MND1: variants seen among roughly 807,000 people sequenced by gnomAD.
The protein encoded by MND1 is meiotic nuclear divisions 1.
MND1 carries 28 observed loss-of-function variants against 35.1 expected under a neutral mutation model. That is an observed-to-expected ratio of 0.80 (90% CI 0.59 to 1.09). The LOEUF (loss-of-function observed/expected upper bound fraction) is 1.09. MND1 is among the 50% of genes least tolerant of loss of function. The pLI is 0.00. For missense variants in MND1, 213 were observed against 239.6 expected, an observed-to-expected ratio of 0.89 and a Z score of 0.73; for synonymous variants, 69 against 70.5, an observed-to-expected ratio of 0.98 and a Z score of 0.11.
chr4:153,378,935 G>A (rs1350741705), intron 4 of MND1, among the ~76,000 whole-genome samples: 6 of 152,146 alleles, frequency 3.9e-5, no homozygotes, highest in Non-Finnish European at 8.8e-5. Context: ...TCTCTCCACT[G>A]ATTTAGCATA....
chr4:153,357,834 T>C (rs1324021978), intron 3 of MND1, among the ~76,000 whole-genome samples: 2 of 152,218 alleles, frequency 1.3e-5, no homozygotes, highest in Non-Finnish European at 2.9e-5. Context: ...CTCCCAGTTA[T>C]TGACAATTTT....
intron 4 of MND1, among the ~76,000 whole-genome samples, chr4:153,389,212 G>C (rs901754915): frequency 6.6e-6 from 1 of 152,126 alleles, no homozygotes; most frequent in South Asian, 2.1e-4. Flanking sequence ...GCTTTAAACT[G>C]TCTTCAGCTT....
Position 153,406,046 on chromosome 4 carries a change from C to T in MND1, c.467-2925C>T, listed in dbSNP as rs532140809. Among the ~76,000 whole-genome samples, 179 of 152,154 alleles carry T rather than the reference C, an allele frequency of 1.2e-3. 2 individuals are homozygous for T. Among genetic ancestry groups the T allele is most frequent in the Non-Finnish European group, 1.5e-3 (105 of 67,982 alleles). On this transcript the variant is annotated intron_variant, in intron 6 of 7. Transcript: ENST00000240488. ...TCTTGATCTGACCTCGTGATCTGCC[C>T]GTCTCGGCCTCCCAAAGTGCTGGGA...
intron 7 of MND1, among the ~76,000 whole-genome samples, chr4:153,413,436 T>A (rs984008433): frequency 2.6e-5 from 4 of 152,142 alleles, no homozygotes; most frequent in Non-Finnish European, 4.4e-5. Context: ...TCCCAGCATT[T>A]TGGGAGGCCG....
intron 4 of MND1, among the ~76,000 whole-genome samples, chr4:153,367,077 G>A (rs1032475358): frequency 3.3e-5 from 5 of 152,104 alleles, no homozygotes; most frequent in Admixed American, 2.6e-4. Context: ...TCAAAAGAGC[G>A]GTGGCTGGGC....
At chr4:153,351,677 G>A (rs1195971855) in intron 2 of MND1, among the ~76,000 whole-genome samples, 1 of 152,102 alleles carries the variant, frequency 6.6e-6, no homozygotes, top group Non-Finnish European at 1.5e-5. Flanking sequence ...TCAGGAATTT[G>A]GATTCTAATT....
intron 1 of MND1, 59 bp downstream of exon 1, chr4:153,344,799 C>T (rs1773030451): frequency 6.3e-7 from 1 of 1,583,548 alleles, no homozygotes; most frequent in South Asian, 1.2e-5. Flanking sequence ...GGCTTCGCCG[C>T]CCCTCGGCTG....
intron 6 of MND1, among the ~76,000 whole-genome samples, chr4:153,404,631 C>G (rs567231192): frequency 1.8e-4 from 28 of 151,876 alleles, no homozygotes; most frequent in Admixed American, 1.4e-3. Context: ...CTCACCACCA[C>G]GCCTGGCTAA....
At chr4:153,403,947 G>A (rs922196167) in intron 6 of MND1, among the ~76,000 whole-genome samples, 1 of 151,810 alleles carries the variant, frequency 6.6e-6, no homozygotes, top group African/African-American at 2.4e-5. Context: ...TGTAGAGACA[G>A]GATTTCACCA....
chr4:153,356,465 A>G (rs1427792908), intron 3 of MND1, among the ~76,000 whole-genome samples: 1 of 140,784 alleles, frequency 7.1e-6, no homozygotes, highest in African/African-American at 2.6e-5. Context: ...AGGCAGGAGA[A>G]TGGCGTGAAC....
chr4:153,389,388 T>G (rs1295859316), intron 4 of MND1, among the ~76,000 whole-genome samples: 2 of 152,208 alleles, frequency 1.3e-5, no homozygotes, highest in Non-Finnish European at 2.9e-5. Flanking sequence ...TTAGATGAAG[T>G]CTTGCTTTTT....
intron 4 of MND1, among the ~76,000 whole-genome samples, chr4:153,380,944 G>A (rs377066807): frequency 2.0e-5 from 3 of 151,662 alleles, no homozygotes; most frequent in Non-Finnish European, 1.5e-5. Flanking sequence ...CTGTTGCCCA[G>A]GCTGGAGTAC....
At chr4:153,412,236 T>G (rs1334523606) in intron 7 of MND1, among the ~76,000 whole-genome samples, 1 of 152,214 alleles carries the variant, frequency 6.6e-6, no homozygotes, top group Non-Finnish European at 1.5e-5. Flanking sequence ...TATCAATATT[T>G]GATACTTGGA....
chr4:153,379,864 A>ACC (rs1728621841), intron 4 of MND1, among the ~76,000 whole-genome samples: 3 of 149,922 alleles, frequency 2.0e-5, no homozygotes, highest in Non-Finnish European at 4.4e-5. Flanking sequence ...AAAAAAAAAA[A>ACC]AAAAAAAAAA....
At chr4:153,345,761 A>G (rs1239010560) in intron 1 of MND1, among the ~76,000 whole-genome samples, 1 of 152,278 alleles carries the variant, frequency 6.6e-6, no homozygotes, top group East Asian at 1.9e-4. Context: ...GTTATAAATG[A>G]TAACGGCTTC....
chr4:153,361,030 G>T (rs1334056232), intron 4 of MND1, among the ~76,000 whole-genome samples: 1 of 152,080 alleles, frequency 6.6e-6, no homozygotes, highest in Admixed American at 6.5e-5. Context: ...GTAGAGACAG[G>T]GTATTGCCAT....
At chr4:153,394,176 C>T in intron 4 of MND1, 86 bp from the exon 5 acceptor site, 1 of 1,207,838 alleles carries the variant, frequency 8.3e-7, no homozygotes. Context: ...GGGCGTGAGC[C>T]ACTGCACCTG....
chr4:153,364,336 C>T (rs1773571173), intron 4 of MND1, among the ~76,000 whole-genome samples: 1 of 151,920 alleles, frequency 6.6e-6, no homozygotes, highest in South Asian at 2.1e-4. Flanking sequence ...GGCAACATGG[C>T]AAGACTCCAT....
chr4:153,363,424 C>T (rs1773547687), intron 4 of MND1, among the ~76,000 whole-genome samples: 1 of 152,146 alleles, frequency 6.6e-6, no homozygotes, highest in Admixed American at 6.5e-5. Context: ...TTTAGCCAGG[C>T]TGGTCTCGAA....
Sources: gnomAD v4.1 joint callset for allele counts (sites outside exome capture counted in the v4.1 genomes callset) on GRCh38, gnomAD v4.1.1 for gene constraint, MANE v1.5 for transcripts, NCBI Gene and HGNC (gene_info 2026-07-23, HGNC 2026-07-21) for gene names.